The following ZNF605 variants were observed in gnomAD, a reference collection of about 807,000 sequenced individuals.
ZNF605 encodes zinc finger protein 605.
ZNF605 carries 9 observed loss-of-function variants against 7.9 expected under a neutral mutation model. The ratio of observed to expected loss-of-function variants is 1.14; its 90% CI spans 0.68 to 1.98. ZNF605 has a LOEUF of 1.98. Among genes scored for constraint, ZNF605 ranks in the 30% most tolerant of loss-of-function variants. ZNF605 has a pLI of 0.00. For synonymous variants in ZNF605, 255 were observed against 260.1 expected, an observed-to-expected ratio of 0.98 and a Z score of 0.19; for missense variants, 673 against 762.4, an observed-to-expected ratio of 0.88 and a Z score of 1.38.
Position 132,925,140 on chromosome 12 carries a change from T to G in ZNF605, c.*233A>C. 1 of 410,760 alleles carries G rather than the reference T, an allele frequency of 2.4e-6. No individual in the cohort carries two copies. The highest frequency in any genetic ancestry group is 4.3e-6 in the Non-Finnish European group (1 of 232,528). 25.4% of individuals were successfully genotyped at this position (410,760 alleles called of 1,614,324 possible). A position where few individuals can be genotyped will look rare whatever the true frequency, so the allele number is the denominator to read the frequency against. ...AACACTAATAAGGTTTTCACCTCAA[T>G]GAGTCATCCAATATGTAACGAGTAG... On this transcript the variant is annotated 3_prime_UTR_variant, in exon 5 of 5. Transcript: ENST00000360187.
At chr12:132,940,723 G>A (rs1952427486) in intron 3 of ZNF605, among the ~76,000 whole-genome samples, 2 of 152,214 alleles carry the variant, frequency 1.3e-5, no homozygotes, top group South Asian at 4.2e-4. Flanking sequence ...GTTCCTGGTG[G>A]AGACAGGACT....
rs189340589 is a variant in ZNF605, at chr12:132,924,506, C to T, written c.*867G>A. 6.6e-6 allele frequency: 1 copy of T among 152,268 alleles called. No homozygotes were observed. Among genetic ancestry groups the T allele is most frequent in the Admixed American group, 6.5e-5 (1 of 15,276 alleles). The allele number at this position is 152,268 out of a possible 1,614,324, so 9.4% of individuals were successfully genotyped here. ...AGCCCTGTATCTAGAAGGATCCCAT[C>T]TCTCCAGTACTTTCCCCTGGAAATT... On this transcript the variant is annotated 3_prime_UTR_variant, in exon 5 of 5. Transcript: ENST00000360187.
chr12:132,939,093 C>A (rs1471391607), intron 3 of ZNF605, among the ~76,000 whole-genome samples: 1 of 151,832 alleles, frequency 6.6e-6, no homozygotes, highest in African/African-American at 2.4e-5. Flanking sequence ...ACCCCCTGCT[C>A]CACGGCGCCC....
Position 132,925,868 on chromosome 12 carries a change from A to T in ZNF605, c.1431T>A (p.Tyr477Ter). 6.2e-7 allele frequency: 1 copy of T among 1,614,140 alleles called. No individual in the cohort carries two copies. Among genetic ancestry groups the T allele is most frequent in the Non-Finnish European group, 8.5e-7 (1 of 1,179,998 alleles). ...AGGTTTTCCTGCATTCACTGCATTC[A>T]TAGGGTTTCTCACCTGTATGTGTTC... ...HQRTHTGEKPYECSECRKTFS... is the reference protein window; with the variant it reads ...HQRTHTGEKP Residue 477 changes from tyrosine (Y) to a stop codon, truncating the protein, a stop_gained, in exon 5 of 5, where the codon TAT becomes TAA. Coordinates refer to ENST00000360187, the MANE Select transcript of ZNF605 (RefSeq NM_183238.4). LOFTEE classifies it low-confidence loss of function (END_TRUNC).
intron 3 of ZNF605, among the ~76,000 whole-genome samples, chr12:132,943,282 C>A (rs1293594018): frequency 6.6e-6 from 1 of 151,710 alleles, no homozygotes; most frequent in African/African-American, 2.4e-5. Flanking sequence ...TGGTGTGAAC[C>A]CGGGAGGCGG....
chr12:132,933,020 T>A lies in ZNF605; in HGVS notation c.136+15A>T. ...GTTACTGGCCATACACTAAGTTACA[T>A]AAGAATGTTCTTACCCAAGAAAACC... On this transcript the variant is annotated intron_variant, in intron 4 of 4. Coordinates refer to ENST00000360187, the MANE Select transcript of ZNF605 (RefSeq NM_183238.4). This position sits in a 1 kb window ranked among gnomAD's most constrained non-coding sequence, Gnocchi z 4.4. The A allele has an allele frequency of 4.5e-6, 7 of 1,569,490 alleles. No homozygotes were observed. Among genetic ancestry groups the A allele is most frequent in the Non-Finnish European group, 6.1e-6 (7 of 1,155,788 alleles).
At position 132,941,753 on chromosome 12, in the gene ZNF605, G is replaced by A. The variant is rs55740327; in HGVS notation, c.15+3868C>T. 0.25 allele frequency among the ~76,000 whole-genome samples: 38,462 copies of A among 151,846 alleles called. 5,186 individuals are homozygous for A. The highest frequency in any genetic ancestry group is 0.35 in the African/African-American group (14,670 of 41,350). On this transcript the variant is annotated intron_variant, in intron 3 of 4. Coordinates refer to ENST00000360187, the MANE Select transcript of ZNF605 (RefSeq NM_183238.4). This position sits in a 1 kb window ranked among gnomAD's most constrained non-coding sequence, Gnocchi z 5.1. ...GTACCTCCAGGCTGCCCTCCGTCAC[G>A]CGTCCCTCTTCTCCGGGCTGCCCTC...
chr12:132,943,128 T>C (rs1352629919), intron 3 of ZNF605, among the ~76,000 whole-genome samples: 1 of 151,992 alleles, frequency 6.6e-6, no homozygotes, highest in African/African-American at 2.4e-5. Flanking sequence ...TTTGGGAGAC[T>C]GAGGTGGGTG....
chr12:132,938,548 G>A (rs1371630457), intron 3 of ZNF605, among the ~76,000 whole-genome samples: 1 of 152,168 alleles, frequency 6.6e-6, no homozygotes, highest in African/African-American at 2.4e-5. Context: ...TGATTTGCCC[G>A]CCTCAGCCTC....
chr12:132,939,589 T>C (rs1566234831), intron 3 of ZNF605, among the ~76,000 whole-genome samples: 1 of 152,060 alleles, frequency 6.6e-6, no homozygotes, highest in East Asian at 1.9e-4. Flanking sequence ...AGCTCAGGGA[T>C]TGTAAACGCA....
In ZNF605 at chr12:132,925,719, T is replaced by C; in HGVS notation, c.1580A>G (p.His527Arg). Residue 527 changes from histidine to arginine, a missense_variant, in exon 5 of 5, where the codon CAT (histidine) becomes CGT (arginine). Coordinates refer to ENST00000360187, the MANE Select transcript of ZNF605 (RefSeq NM_183238.4). Reference sequence around the variant, plus strand: ...GCATTCATAGGGTTTCTCCCCTGTATGAATTCTCTGATGCCTAAGAAGCTG... The same window carrying C: ...GCATTCATAGGGTTTCTCCCCTGTACGAATTCTCTGATGCCTAAGAAGCTG... ...KPQLLRHQRIHTGEKPYECSE... is the reference protein window; with the variant it reads ...KPQLLRHQRIRTGEKPYECSE... The C allele has an allele frequency of 1.2e-6, 2 of 1,614,198 alleles. No homozygotes were observed. The highest frequency in any genetic ancestry group is 1.7e-6 in the Non-Finnish European group (2 of 1,180,016).
In ZNF605 at chr12:132,921,738, G is replaced by A. The variant is rs1242880377; in HGVS notation, c.*3635C>T. On this transcript the variant is annotated 3_prime_UTR_variant, in exon 5 of 5. Transcript: ENST00000360187. Reference sequence around the variant, plus strand: ...ATGCAAATCCAAGTGAAAGGAAAAAGCACTACTGTGAAGCCTAACGGCAAT... The same window carrying A: ...ATGCAAATCCAAGTGAAAGGAAAAAACACTACTGTGAAGCCTAACGGCAAT... The A allele has an allele frequency of 6.6e-6, 1 of 152,232 alleles. No individual in the cohort carries two copies. The highest frequency in any genetic ancestry group is 2.4e-5 in the African/African-American group (1 of 41,456). The allele number at this position is 152,232 out of a possible 1,614,324, so 9.4% of individuals were successfully genotyped here. A position where few individuals can be genotyped will look rare whatever the true frequency, so the allele number is the denominator to read the frequency against.
intron 4 of ZNF605, among the ~76,000 whole-genome samples, chr12:132,928,543 G>A (rs1213596034): frequency 6.6e-6 from 1 of 152,064 alleles, no homozygotes; most frequent in Non-Finnish European, 1.5e-5. Flanking sequence ...TATAATAGTA[G>A]AACAGATATT....
intron 1 of ZNF605, among the ~76,000 whole-genome samples, chr12:132,955,223 G>A (rs1952624285): frequency 6.6e-6 from 1 of 152,174 alleles, no homozygotes; most frequent in African/African-American, 2.4e-5. Flanking sequence ...CTTTCACAGA[G>A]AGGTGTGAAC....
intron 2 of ZNF605, among the ~76,000 whole-genome samples, chr12:132,947,177 C>T (rs56009517): frequency 0.27 from 41,158 of 151,946 alleles, 6,185 homozygotes; most frequent in African/African-American, 0.41. Context: ...CACGCCTGGC[C>T]AATTTTTTTG....
chr12:132,932,133 T>C (rs1952314404), intron 4 of ZNF605, among the ~76,000 whole-genome samples: 1 of 152,042 alleles, frequency 6.6e-6, no homozygotes, highest in Non-Finnish European at 1.5e-5. Context: ...GTAGTAGATA[T>C]GGGGTCTTGC....
chr12:132,926,466 T>C lies in ZNF605; in HGVS notation c.833A>G (p.Glu278Gly). The C allele has an allele frequency of 6.2e-7, 1 of 1,614,216 alleles. No homozygotes were observed. The highest frequency in any genetic ancestry group is 1.7e-5 in the Admixed American group (1 of 60,026). Residue 278 changes from glutamate (E) to glycine (G), a missense_variant, in exon 5 of 5, where the codon GAG becomes GGG. Physicochemically the swap from Glu to Gly is moderately conservative, Grantham distance 98 (BLOSUM62 -2). Transcript: ENST00000360187. ...ACACTCACTGCAACTGTAGGGTTTC[T>C]CTATTGTGTGCGTTATCTGATGTCT... Reference protein sequence around the residue: ...LKRHQITHTIEKPYSCSECGK... With the variant: ...LKRHQITHTIGKPYSCSECGK...
chr12:132,952,961 A>C (rs1952588091), intron 1 of ZNF605, among the ~76,000 whole-genome samples: 1 of 151,890 alleles, frequency 6.6e-6, no homozygotes, highest in African/African-American at 2.4e-5. Flanking sequence ...GAGGGCCTCC[A>C]TCACACACAC....
intron 3 of ZNF605, among the ~76,000 whole-genome samples, chr12:132,943,368 A>C (rs1400395454): frequency 6.6e-6 from 1 of 151,840 alleles, no homozygotes; most frequent in Non-Finnish European, 1.5e-5. Context: ...CAAAAAAAAA[A>C]AAAACAAAAA....
Sources: allele counts gnomAD v4.1 joint callset (sites outside exome capture counted in the v4.1 genomes callset), GRCh38; gene constraint gnomAD v4.1.1; non-coding constraint Gnocchi (gnomAD v3.1); transcripts MANE v1.5; gene names NCBI Gene and HGNC (gene_info 2026-07-23, HGNC 2026-07-21).